The following NRG4 variants were observed in gnomAD, a reference collection of about 807,000 sequenced individuals.
NRG4 encodes the protein pro-neuregulin-4, membrane-bound isoform.
NRG4 carries 10 observed loss-of-function variants against 15.0 expected under a neutral mutation model. The observed-to-expected ratio is 0.67, with a 90% CI of 0.41 to 1.13. The LOEUF (loss-of-function observed/expected upper bound fraction) is 1.13. Ranked by LOEUF, NRG4 falls within the 50% of genes most tolerant of loss-of-function variation. NRG4 has a pLI of 0.00. For missense variants in NRG4, 139 were observed against 140.2 expected (o/e 0.99, Z 0.04); for synonymous variants, 41 against 50.1 (o/e 0.82, Z 0.77).
intron 5 of NRG4, among the ~76,000 whole-genome samples, chr15:76,028,900 C>T (rs374793700): frequency 0.011 from 1,415 of 130,062 alleles, 13 homozygotes; most frequent in Non-Finnish European, 0.017. Context: ...GAGACTCCTC[C>T]TCCAAAAAAA....
At position 76,025,454 on chromosome 15, in the gene NRG4, T is replaced by C. The variant is rs562737676; in HGVS notation, c.-57+10490A>G. Among the ~76,000 whole-genome samples the C allele has an allele frequency of 4.2e-4, 63 of 151,282 alleles. 1 individual carries two copies. The South Asian group carries it at 0.013, about 30-fold the overall frequency. ...ACTCTGTCTCAAAAAAAAGAGAATA[T>C]AGATAGACAACACAATGAAATTTTA... On this transcript the variant is annotated intron_variant, in intron 5 of 8. Coordinates refer to the NRG4 transcript ENST00000563910.
intron 1 of NRG4, among the ~76,000 whole-genome samples, chr15:76,057,693 T>C (rs950963576): frequency 1.3e-5 from 2 of 152,130 alleles, no homozygotes; most frequent in African/African-American, 4.8e-5. Flanking sequence ...CAACATGAAA[T>C]GGTTGCACCT....
chr15:76,019,651 G>A (rs1217979398), intron 5 of NRG4, among the ~76,000 whole-genome samples: 1 of 152,162 alleles, frequency 6.6e-6, no homozygotes, highest in African/African-American at 2.4e-5. Flanking sequence ...ACCCTGCTTT[G>A]GCTTGCCCTC....
At chr15:76,005,644 C>A in intron 3 of NRG4, 1 of 289,592 alleles carries the variant, frequency 3.5e-6, no homozygotes. Context: ...GCCGAGATCG[C>A]CCTACTGTAC....
intron 3 of NRG4, among the ~76,000 whole-genome samples, chr15:75,966,338 T>C (rs2141823566): frequency 6.6e-6 from 1 of 152,366 alleles, no homozygotes; most frequent in Non-Finnish European, 1.5e-5. Context: ...CCTATTTCCA[T>C]GCTTGTTGGC....
chr15:75,945,059 G>GA (rs141286268), intron 5 of NRG4, among the ~76,000 whole-genome samples: 1 of 151,300 alleles, frequency 6.6e-6, no homozygotes, highest in African/African-American at 2.4e-5. Flanking sequence ...CTGGGGAAAA[G>GA]AAAAAAATCA....
intron 1 of NRG4, 72 bp from the exon 2 acceptor site, chr15:76,011,358 T>C: frequency 1.3e-6 from 1 of 749,584 alleles, no homozygotes; most frequent in South Asian, 5.2e-5. Flanking sequence ...ATGTCAAATA[T>C]TCTAATAGCA....
At chr15:76,033,025 G>A (rs543750725) in intron 5 of NRG4, among the ~76,000 whole-genome samples, 4 of 152,262 alleles carry the variant, frequency 2.6e-5, no homozygotes, top group African/African-American at 7.2e-5. Flanking sequence ...AAAGTTTGTA[G>A]CATTTCTTAC....
chr15:76,025,235 C>G (rs896197480), intron 5 of NRG4, among the ~76,000 whole-genome samples: 1 of 151,526 alleles, frequency 6.6e-6, no homozygotes, highest in Non-Finnish European at 1.5e-5. Context: ...GTCAGGAGAT[C>G]GAGACCATCC....
At chr15:76,040,862 T>C (rs1217519488) in intron 4 of NRG4, among the ~76,000 whole-genome samples, 1 of 151,998 alleles carries the variant, frequency 6.6e-6, no homozygotes, top group East Asian at 1.9e-4. Flanking sequence ...GAGGCAGAGG[T>C]TGAAGTGAGC....
At chr15:76,005,679 G>GAAA (rs776504828) in intron 3 of NRG4, 2,228 of 150,780 alleles carry the variant, frequency 0.015, no homozygotes, top group South Asian at 0.018. Context: ...CTCTGTCTCA[G>GAAA]AAAAAAAAAA....
intron 5 of NRG4, among the ~76,000 whole-genome samples, chr15:76,022,823 T>C (rs2035198273): frequency 6.6e-6 from 1 of 152,128 alleles, no homozygotes; most frequent in South Asian, 2.1e-4. Flanking sequence ...TTCATTCTGA[T>C]GGCAGTGTGG....
chr15:76,024,631 C>T (rs1388627581), intron 5 of NRG4, among the ~76,000 whole-genome samples: 1 of 152,180 alleles, frequency 6.6e-6, no homozygotes, highest in Non-Finnish European at 1.5e-5. Context: ...AGGCCCCAAC[C>T]CCAGCAAGAC....
Position 75,964,947 on chromosome 15 carries a change from C to T in NRG4, c.105-2973G>A, listed in dbSNP as rs536566072. ...AAATAAAAAAAAGAAAAAAAGAGGC[C>T]GGACGCAGTGCCTCCCGCCTGTAAT... is the stretch of plus-strand genomic sequence containing the variant. On this transcript the variant is annotated intron_variant, in intron 3 of 5. Transcript: ENST00000394907. Among the ~76,000 whole-genome samples the T allele has an allele frequency of 2.5e-3, 382 of 151,862 alleles. 3 individuals are homozygous for T. Among genetic ancestry groups the T allele is most frequent in the African/African-American group, 8.8e-3 (366 of 41,436 alleles).
At chr15:75,988,219 T>A (rs2033868945) in intron 3 of NRG4, among the ~76,000 whole-genome samples, 1 of 152,204 alleles carries the variant, frequency 6.6e-6, no homozygotes, top group Non-Finnish European at 1.5e-5. Flanking sequence ...AGAGTCTCAC[T>A]CTGTCACCCA....
intron 3 of NRG4, among the ~76,000 whole-genome samples, chr15:76,008,269 A>G (rs189746859): frequency 6.6e-6 from 1 of 152,298 alleles, no homozygotes; most frequent in East Asian, 1.9e-4. Context: ...ACACCTGGGC[A>G]CTATTCCCCA....
At chr15:76,001,090 A>G (rs140385779) in intron 3 of NRG4, among the ~76,000 whole-genome samples, 1 of 152,170 alleles carries the variant, frequency 6.6e-6, no homozygotes, top group East Asian at 1.9e-4. Context: ...GACTCAAGCA[A>G]TCCTCCCACT....
chr15:76,014,773 A>C (rs2034924686), upstream of NRG4, among the ~76,000 whole-genome samples: 1 of 152,182 alleles, frequency 6.6e-6, no homozygotes, highest in African/African-American at 2.4e-5. Flanking sequence ...GAAGTCAGGT[A>C]GCGTGATGCC....
At chr15:76,034,845 C>A (rs2035562882) in intron 5 of NRG4, among the ~76,000 whole-genome samples, 1 of 152,158 alleles carries the variant, frequency 6.6e-6, no homozygotes, top group Admixed American at 6.5e-5. Flanking sequence ...TCCCCACCAC[C>A]ACCACTGCGC....
Sources: gnomAD v4.1 joint callset for allele counts (sites outside exome capture counted in the v4.1 genomes callset) on GRCh38, gnomAD v4.1.1 for gene constraint, MANE v1.5 for transcripts, NCBI Gene and HGNC (gene_info 2026-07-23, HGNC 2026-07-21) for gene names.